KCNIP1: variants seen among roughly 807,000 people sequenced by gnomAD.
The protein encoded by KCNIP1 is A-type potassium channel modulatory protein KCNIP1.
A neutral mutation model predicts 33.0 loss-of-function variants in KCNIP1; 18 were observed. The observed-to-expected ratio is 0.55, with a 90% CI of 0.38 to 0.81. The LOEUF is 0.81. Ranked by LOEUF, KCNIP1 falls within the 30% of genes least tolerant of loss-of-function variation. KCNIP1 has a pLI of 0.00. For synonymous variants in KCNIP1, 93 were observed against 98.3 expected (o/e 0.95, Z 0.32); for missense variants, 238 against 271.6 (o/e 0.88, Z 0.87).
intron 1 of KCNIP1, among the ~76,000 whole-genome samples, chr5:170,520,315 A>T (rs577431075): frequency 6.6e-6 from 1 of 152,224 alleles, no homozygotes; most frequent in Non-Finnish European, 1.5e-5. Context: ...CAGGGACAGC[A>T]TCAGAACCCA....
In KCNIP1 at chr5:170,735,952, T is replaced by A; in HGVS notation, c.*146T>A. 1.5e-6 allele frequency: 1 copy of A among 659,888 alleles called. No individual in the cohort carries two copies. The allele number at this position is 659,888 out of a possible 1,614,324, so 40.9% of individuals were successfully genotyped here. Reference sequence around the variant, plus strand: ...TTTGGAAGAATTCTCTGCTGAAGACTTTCTATGGAACCCAGCATCATGTGG... The same window carrying A: ...TTTGGAAGAATTCTCTGCTGAAGACATTCTATGGAACCCAGCATCATGTGG... On this transcript the variant is annotated 3_prime_UTR_variant, in exon 8 of 8. Transcript: ENST00000328939.
intron 1 of KCNIP1, among the ~76,000 whole-genome samples, chr5:170,391,886 G>A (rs886816512): frequency 6.6e-6 from 1 of 152,280 alleles, no homozygotes; most frequent in Admixed American, 6.5e-5. Flanking sequence ...TTCCAAAGAT[G>A]GTCACACCAA....
chr5:170,633,732 ACGGAGGGGGGGGCGGGGGGCGGGG>A (rs1256290275), intron 1 of KCNIP1, among the ~76,000 whole-genome samples: 3 of 2,608 alleles, frequency 1.2e-3, no homozygotes, highest in East Asian at 0.015. Flanking sequence ...GGAGGGGGGG[ACGGAGGGGGGGGCGGGGGGCGGGG>A]CGGAGGGGGG....
At chr5:170,576,666 G>A (rs1757615712) in intron 1 of KCNIP1, among the ~76,000 whole-genome samples, 2 of 152,152 alleles carry the variant, frequency 1.3e-5, no homozygotes, top group African/African-American at 4.8e-5. Context: ...CTAAAGTGGG[G>A]ACAAATGAGT....
intron 1 of KCNIP1, among the ~76,000 whole-genome samples, chr5:170,658,860 G>A (rs1761368525): frequency 1.3e-5 from 2 of 152,326 alleles, no homozygotes; most frequent in Admixed American, 1.3e-4. Flanking sequence ...TTTCCACGAT[G>A]GGTCTGAACA....
At chr5:170,372,057 G>A (rs976245845) in intron 1 of KCNIP1, among the ~76,000 whole-genome samples, 1 of 152,120 alleles carries the variant, frequency 6.6e-6, no homozygotes, top group Admixed American at 6.5e-5. Flanking sequence ...CCATTCAAAT[G>A]CCAGCCACCA....
intron 1 of KCNIP1, among the ~76,000 whole-genome samples, chr5:170,431,529 C>G (rs180720535): frequency 8.1e-4 from 124 of 152,302 alleles, no homozygotes; most frequent in African/African-American, 2.7e-3. Context: ...GAGAAATTTC[C>G]AGGAAATTAC....
At chr5:170,723,016 A>C (rs1410667299) in intron 5 of KCNIP1, among the ~76,000 whole-genome samples, 196 bp downstream of exon 5, 1 of 152,200 alleles carries the variant, frequency 6.6e-6, no homozygotes, top group African/African-American at 2.4e-5. Flanking sequence ...GCGCCCAGAA[A>C]GGATTAAACA....
intron 1 of KCNIP1, among the ~76,000 whole-genome samples, chr5:170,631,837 G>A (rs2113672847): frequency 6.6e-6 from 1 of 152,340 alleles, no homozygotes; most frequent in African/African-American, 2.4e-5. Context: ...CCAGGGGAAA[G>A]AGTAGCGCCG....
intron 1 of KCNIP1, among the ~76,000 whole-genome samples, chr5:170,670,708 C>A (rs763238124): frequency 6.6e-6 from 1 of 152,128 alleles, no homozygotes; most frequent in Non-Finnish European, 1.5e-5. Flanking sequence ...CCCTGGGCAA[C>A]ATGGTGAAAC....
At chr5:170,628,279 C>T (rs998840239) in intron 1 of KCNIP1, among the ~76,000 whole-genome samples, 2 of 152,102 alleles carry the variant, frequency 1.3e-5, no homozygotes, top group Non-Finnish European at 2.9e-5. Flanking sequence ...AAAGGTCAGG[C>T]GAACCACCTC....
At chr5:170,460,999 T>C (rs1048055692) in intron 1 of KCNIP1, among the ~76,000 whole-genome samples, 7 of 152,182 alleles carry the variant, frequency 4.6e-5, no homozygotes, top group African/African-American at 1.7e-4. Flanking sequence ...GTAGCTCTTC[T>C]ATCCACCAAC....
At chr5:170,715,442 A>G (rs1763614154) in intron 1 of KCNIP1, among the ~76,000 whole-genome samples, 1 of 152,182 alleles carries the variant, frequency 6.6e-6, no homozygotes, top group Admixed American at 6.5e-5. Flanking sequence ...AGAGTCTATG[A>G]TCCCAAAACA....
chr5:170,353,767 C>T (rs1763272454), exon 1 of KCNIP1: 2 of 931,436 alleles, frequency 2.1e-6, no homozygotes, highest in Admixed American at 2.0e-5. Context: ...AGGGGTGCAT[C>T]CGTCACTCAG....
chr5:170,386,804 G>A (rs774502060), intron 1 of KCNIP1, among the ~76,000 whole-genome samples: 3 of 152,036 alleles, frequency 2.0e-5, no homozygotes, highest in Non-Finnish European at 2.9e-5. Flanking sequence ...CTGGGACAAA[G>A]CAGAATGGGC....
chr5:170,454,455 C>G (rs980084034), intron 1 of KCNIP1, among the ~76,000 whole-genome samples: 1 of 152,138 alleles, frequency 6.6e-6, no homozygotes, highest in South Asian at 2.1e-4. Flanking sequence ...AAGAAGTGGC[C>G]TTGACCTAAA....
intron 1 of KCNIP1, among the ~76,000 whole-genome samples, chr5:170,390,515 C>A (rs10067772): frequency 0.4 from 24,939 of 63,058 alleles, 5,280 homozygotes; most frequent in African/African-American, 0.6. Flanking sequence ...AAAAAAAAAA[C>A]AAATATATAT....
intron 1 of KCNIP1, among the ~76,000 whole-genome samples, chr5:170,628,589 A>G (rs866129017): frequency 3.9e-5 from 6 of 152,260 alleles, no homozygotes; most frequent in African/African-American, 7.2e-5. Context: ...GTAATAAAAT[A>G]TGTGATCCAG....
chr5:170,603,079 C>T (rs1439763126), intron 1 of KCNIP1, among the ~76,000 whole-genome samples: 2 of 152,184 alleles, frequency 1.3e-5, no homozygotes, highest in Admixed American at 6.5e-5. Context: ...GGGCAGGGGG[C>T]GAAGGAGTGG....
Sources: gnomAD v4.1 joint callset for allele counts (sites outside exome capture counted in the v4.1 genomes callset) on GRCh38, gnomAD v4.1.1 for gene constraint, MANE v1.5 for transcripts, NCBI Gene and HGNC (gene_info 2026-07-23, HGNC 2026-07-21) for gene names.